The following ACO2 variants were observed in gnomAD, a reference collection of about 807,000 sequenced individuals.
ACO2 encodes the protein aconitase 2, also known as aconitate hydratase, mitochondrial.
Under a neutral mutation model 84.5 loss-of-function variants are expected in ACO2, and 31 were observed. That is an observed-to-expected ratio of 0.37 (90% CI 0.28 to 0.50). The LOEUF (loss-of-function observed/expected upper bound fraction) is 0.50. Among genes scored for constraint, ACO2 ranks in the 20% least tolerant of loss-of-function variants. ACO2 has a pLI of 0.97. For missense variants in ACO2, 685 were observed against 1,029.3 expected, an observed-to-expected ratio of 0.67 and a Z score of 4.58; for synonymous variants, 414 against 412.7, an observed-to-expected ratio of 1.00 and a Z score of -0.04.
chr22:41,523,410 A>C, intron 11 of ACO2, 132 bp downstream of exon 11: 1 of 704,096 alleles, frequency 1.4e-6, no homozygotes, highest in East Asian at 2.7e-5. Flanking sequence ...ACTCTTGCCC[A>C]TTAGAAGCCT....
intron 13 of ACO2, 43 bp downstream of exon 13, chr22:41,525,011 C>T (rs371315299): frequency 9.3e-6 from 15 of 1,613,706 alleles, no homozygotes; most frequent in African/African-American, 5.3e-5. Context: ...TGTGTGGCCA[C>T]GTCACTTCCT....
intron 1 of ACO2, among the ~76,000 whole-genome samples, chr22:41,496,600 G>A (rs1403887227): frequency 2.0e-5 from 3 of 152,132 alleles, no homozygotes; most frequent in Non-Finnish European, 2.9e-5. Flanking sequence ...TCCTCCACCC[G>A]TCACAGGGAT....
intron 1 of ACO2, among the ~76,000 whole-genome samples, chr22:41,486,683 G>T (rs747628067): frequency 8.6e-5 from 13 of 151,704 alleles, no homozygotes; most frequent in Non-Finnish European, 1.9e-4. Flanking sequence ...TGTTAGCCAG[G>T]ATGGTCTCGA....
chr22:41,524,549 G>A (rs919626195), intron 12 of ACO2, among the ~76,000 whole-genome samples: 3 of 152,180 alleles, frequency 2.0e-5, no homozygotes, highest in East Asian at 1.9e-4. Context: ...GCATTTCTGC[G>A]CCAGGGCCCC....
intron 1 of ACO2, among the ~76,000 whole-genome samples, chr22:41,497,322 G>T (rs1408103996): frequency 6.6e-6 from 1 of 152,106 alleles, no homozygotes; most frequent in Non-Finnish European, 1.5e-5. Flanking sequence ...ACCTGCCTCA[G>T]CCTCCCAAAG....
intron 1 of ACO2, among the ~76,000 whole-genome samples, chr22:41,488,661 G>A (rs556802586): frequency 9.2e-5 from 14 of 152,300 alleles, no homozygotes; most frequent in Admixed American, 2.6e-4. Flanking sequence ...TTCCTTACCT[G>A]CATGTACATG....
At chr22:41,518,900 C>G (rs189508498) in intron 8 of ACO2, among the ~76,000 whole-genome samples, 3 of 152,156 alleles carry the variant, frequency 2.0e-5, no homozygotes, top group East Asian at 1.9e-4. Context: ...CAGCCGAGAT[C>G]GCACCACTGC....
Position 41,499,995 on chromosome 22 carries a change from G to A in ACO2, c.173+133G>A, listed in dbSNP as rs957882785. 9.1e-6 allele frequency: 11 copies of A among 1,210,290 alleles called. No homozygotes were observed. In the African/African-American group the frequency reaches 1.7e-4, roughly 18 times the overall value. 75.0% of individuals were successfully genotyped at this position (1,210,290 alleles called of 1,614,324 possible). A position where few individuals can be genotyped will look rare whatever the true frequency, so the allele number is the denominator to read the frequency against. The stretch of plus-strand genomic sequence containing the variant: ...GGGTCAAGGTATTCAAGGTACAAAG[G>A]TTTCTGCTGAGGAAAGGCATTCCAG... On this transcript the variant is annotated intron_variant, in intron 2 of 17. Coordinates refer to ENST00000216254, the MANE Select transcript of ACO2 (RefSeq NM_001098.3).
At chr22:41,498,807 G>A (rs1179599018) in intron 1 of ACO2, among the ~76,000 whole-genome samples, 2 of 152,028 alleles carry the variant, frequency 1.3e-5, no homozygotes, top group Non-Finnish European at 2.9e-5. Flanking sequence ...CAAAGGGAGG[G>A]TAATGGCTGG....
At chr22:41,478,494 A>G (rs2038046983) in intron 1 of ACO2, among the ~76,000 whole-genome samples, 1 of 152,180 alleles carries the variant, frequency 6.6e-6, no homozygotes, top group Non-Finnish European at 1.5e-5. Context: ...AGAGGTAGAA[A>G]TGAATCTTTT....
chr22:41,501,555 G>A (rs946116949), intron 2 of ACO2, among the ~76,000 whole-genome samples: 1 of 152,170 alleles, frequency 6.6e-6, no homozygotes, highest in Non-Finnish European at 1.5e-5. Flanking sequence ...TGATTGATTG[G>A]AACCTGAACA....
rs565278717 is a variant in ACO2 at position 41,482,045 on chromosome 22, T to C, written c.36+12863T>C. Among the ~76,000 whole-genome samples the C allele has an allele frequency of 5.3e-5, 8 of 152,324 alleles. No individual in the cohort carries two copies. In the East Asian group the frequency reaches 9.6e-4, roughly 18 times the overall value. On this transcript the variant is annotated intron_variant, in intron 1 of 17. Coordinates refer to ENST00000216254, the MANE Select transcript of ACO2 (RefSeq NM_001098.3). The stretch of plus-strand genomic sequence containing the variant: ...GTTGTCATCTCGCCAGCAGCATCCT[T>C]TCTTCCCTTGTCTTGCCTAGCCGTG...
intron 9 of ACO2, 102 bp from the exon 10 acceptor site, chr22:41,522,728 T>A: frequency 7.3e-7 from 1 of 1,361,858 alleles, no homozygotes; most frequent in Non-Finnish European, 1.0e-6. Context: ...CCAGCCCAGA[T>A]GGTGAACTCT....
intron 7 of ACO2, 27 bp downstream of exon 7, chr22:41,517,658 G>GACTGTTCCACCCACAC: frequency 6.3e-7 from 1 of 1,592,108 alleles, no homozygotes; most frequent in Non-Finnish European, 8.6e-7. Context: ...AGGCCCGTGT[G>GACTGTTCCACCCACAC]GGTGGAACAG....
chr22:41,497,946 A>G (rs1360466763), intron 1 of ACO2, among the ~76,000 whole-genome samples: 1 of 151,880 alleles, frequency 6.6e-6, no homozygotes, highest in African/African-American at 2.4e-5. Flanking sequence ...GAGATCGAGA[A>G]CATCCTGGCC....
intron 2 of ACO2, among the ~76,000 whole-genome samples, chr22:41,505,517 A>G (rs1446013784): frequency 6.6e-6 from 1 of 152,156 alleles, no homozygotes; most frequent in Non-Finnish European, 1.5e-5. Context: ...GAGACCGGGT[A>G]GATTAGCGTC....
intron 2 of ACO2, among the ~76,000 whole-genome samples, chr22:41,503,476 G>A (rs959745785): frequency 1.3e-5 from 2 of 151,914 alleles, no homozygotes; most frequent in African/African-American, 4.8e-5. Flanking sequence ...GATTACAGGC[G>A]CCTGCCACCA....
intron 4 of ACO2, 30 bp downstream of exon 4, chr22:41,511,998 G>A: frequency 6.3e-7 from 1 of 1,577,218 alleles, no homozygotes; most frequent in South Asian, 1.1e-5. Flanking sequence ...GCCGTCCCAA[G>A]GGCCCAAGCC....
intron 3 of ACO2, among the ~76,000 whole-genome samples, chr22:41,508,409 A>G (rs2066409982): frequency 6.6e-6 from 1 of 152,140 alleles, no homozygotes; most frequent in Non-Finnish European, 1.5e-5. Flanking sequence ...GTTTGCCAGC[A>G]TCCCATTTGC....
Sources: gnomAD v4.1 joint callset for allele counts (sites outside exome capture counted in the v4.1 genomes callset) on GRCh38, gnomAD v4.1.1 for gene constraint, MANE v1.5 for transcripts, NCBI Gene and HGNC (gene_info 2026-07-23, HGNC 2026-07-21) for gene names.